SECISBP2L: variants seen among roughly 807,000 people sequenced by gnomAD.
SECISBP2L encodes the protein selenocysteine insertion sequence-binding protein 2-like.
A neutral mutation model predicts 114.7 loss-of-function variants in SECISBP2L; 43 were observed. That is an observed-to-expected ratio of 0.38 (90% CI 0.29 to 0.48). SECISBP2L has a LOEUF of 0.48. Among genes scored for constraint, SECISBP2L ranks in the 20% least tolerant of loss-of-function variants. The pLI, the probability that SECISBP2L is intolerant of heterozygous loss-of-function variation, is 0.98. For missense variants in SECISBP2L, 1,136 were observed against 1,301.1 expected, an observed-to-expected ratio of 0.87 and a Z score of 1.95; for synonymous variants, 451 against 439.7, an observed-to-expected ratio of 1.03 and a Z score of -0.32.
Position 48,988,726 on chromosome 15 carries a change from GAT to G in SECISBP2L, c.*3516_*3517del, listed in dbSNP as rs1901910075. 2 of 389,382 alleles carry G rather than the reference GAT, an allele frequency of 5.1e-6. No individual in the cohort carries two copies. Among genetic ancestry groups the G allele is most frequent in the African/African-American group, 2.1e-5 (1 of 47,924 alleles). The allele number at this position is 389,382 out of a possible 1,614,324, so 24.1% of individuals were successfully genotyped here. A position where few individuals can be genotyped will look rare whatever the true frequency, so the allele number is the denominator to read the frequency against. ...AAAGCTGTTATTACCCCCCAAATGT[GAT>G]ATAACAATTATCCTTCATACAGCAA... is the stretch of plus-strand genomic sequence containing the variant. On this transcript the variant is annotated 3_prime_UTR_variant, in exon 18 of 18. Transcript: ENST00000559471.
rs1159583578 is a variant in SECISBP2L, at chr15:49,001,110, A to C, written c.2028-13T>G. On this transcript the variant is annotated splice_polypyrimidine_tract_variant and intron_variant, in intron 14 of 17. Transcript: ENST00000559471. The stretch of plus-strand genomic sequence containing the variant: ...CTGATTACAATACCTGTAAAAAAAA[A>C]CCAAAATGGGTAACTCCATCCTAAT... 11 of 1,565,564 alleles carry C rather than the reference A, an allele frequency of 7.0e-6. No individual in the cohort carries two copies. In the East Asian group the frequency reaches 9.0e-5, roughly 13 times the overall value.
In SECISBP2L at chr15:48,988,914, T is replaced by A. The variant is rs1901913576; in HGVS notation, c.*3330A>T. The A allele has an allele frequency of 1.2e-5, 2 of 171,670 alleles. No homozygotes were observed. Among genetic ancestry groups the A allele is most frequent in the South Asian group, 2.8e-4 (2 of 7,126 alleles). 10.6% of individuals were successfully genotyped at this position (171,670 alleles called of 1,614,324 possible). On this transcript the variant is annotated 3_prime_UTR_variant, in exon 18 of 18. Transcript: ENST00000559471. ...CAAGGTGTGATGTGCCAACAAAATT[T>A]AAATTTTTCTCATTAGGATTCAGAT... is the stretch of plus-strand genomic sequence containing the variant.
chr15:49,019,853 A>AG (rs779034043), intron 7 of SECISBP2L, among the ~76,000 whole-genome samples: 5 of 152,272 alleles, frequency 3.3e-5, no homozygotes, highest in Non-Finnish European at 5.9e-5. Flanking sequence ...GTGAACAGTT[A>AG]AACTAACTGT....
chr15:49,027,616 T>C, intron 6 of SECISBP2L, 136 bp from the exon 7 acceptor site: 1 of 482,798 alleles, frequency 2.1e-6, no homozygotes, highest in South Asian at 4.3e-5. Context: ...TATTATTTTT[T>C]TTTTTTTTTG....
chr15:49,035,640 G>A lies in SECISBP2L; in HGVS notation c.222C>T (p.Asn74=), dbSNP rs767376544. 56 of 1,608,132 alleles carry A rather than the reference G, an allele frequency of 3.5e-5. No homozygotes were observed. The highest frequency in any genetic ancestry group is 4.8e-5 in the Non-Finnish European group (56 of 1,175,864). The change falls in exon 3 of 18, where the codon AAC becomes AAT. Residue 74 remains asparagine, a synonymous_variant. Coordinates refer to ENST00000559471, the MANE Select transcript of SECISBP2L (RefSeq NM_001193489.2). ...NQSNRQFPLY[N]NDIRWQQPNP... ...TGGGTTGTTGCCATCGTATATCATT[G>A]TTATATAAAGGAAACTGTCTGCAAA...
At chr15:49,010,154 C>CACACACACACACACACACACACACACACA (rs3220511) in intron 13 of SECISBP2L, among the ~76,000 whole-genome samples, 48 of 149,942 alleles carry the variant, frequency 3.2e-4, no homozygotes, top group African/African-American at 8.9e-4. Context: ...CACACACACA[C>CACACACACACACACACACACACACACACA]CCCTCTTGCC....
At chr15:48,996,257 G>A (rs1902082635) in intron 17 of SECISBP2L, 110 bp downstream of exon 17, 7 of 1,084,692 alleles carry the variant, frequency 6.5e-6, no homozygotes, top group Middle Eastern at 3.0e-4. Flanking sequence ...ACCAAATTTC[G>A]AGCAACATTT....
chr15:49,005,653 C>G (rs191546831), intron 14 of SECISBP2L, among the ~76,000 whole-genome samples: 4 of 142,180 alleles, frequency 2.8e-5, no homozygotes, highest in African/African-American at 1.0e-4. Context: ...TGTCTTTGCA[C>G]GTGAGATGGG....
chr15:49,017,504 C>T, intron 9 of SECISBP2L, 44 bp downstream of exon 9: 1 of 1,261,558 alleles, frequency 7.9e-7, no homozygotes, highest in Non-Finnish European at 1.1e-6. Flanking sequence ...AGCCATTGTT[C>T]AAAAGATGTT....
At chr15:49,030,410 G>A (rs770382917) in intron 4 of SECISBP2L, among the ~76,000 whole-genome samples, 20 of 152,254 alleles carry the variant, frequency 1.3e-4, no homozygotes, top group Non-Finnish European at 1.6e-4. Flanking sequence ...AGATGACTGC[G>A]TCCAAAGAAA....
Position 49,016,608 on chromosome 15 carries a change from C to T in SECISBP2L, c.1513G>A (p.Ala505Thr), listed in dbSNP as rs1902541919. 7 of 1,610,352 alleles carry T rather than the reference C, an allele frequency of 4.3e-6. No individual in the cohort carries two copies. The highest frequency in any genetic ancestry group is 1.1e-5 in the South Asian group (1 of 90,324). ...MLAALEKQQQ[A>T]MKARQITNTR... is the part of the protein sequence containing the mutation. ...TTAGTAATTTGCCGTGCTTTCATTG[C>T]TTGCTGTTGTTTTTCCAGAGCAGCT... Residue 505 changes from alanine (A) to threonine (T), a missense_variant, in exon 11 of 18, where the codon GCA becomes ACA. By Grantham distance (58) the Ala-to-Thr change is moderately conservative. Coordinates refer to ENST00000559471, the MANE Select transcript of SECISBP2L (RefSeq NM_001193489.2).
chr15:49,002,573 T>G (rs183419387), intron 14 of SECISBP2L, among the ~76,000 whole-genome samples: 6 of 152,326 alleles, frequency 3.9e-5, no homozygotes, highest in Non-Finnish European at 8.8e-5. Flanking sequence ...TCCAGGGTTT[T>G]TATGGTTTTA....
chr15:49,037,512 C>T, intron 2 of SECISBP2L, 79 bp downstream of exon 2: 1 of 1,304,874 alleles, frequency 7.7e-7, no homozygotes, highest in Non-Finnish European at 1.1e-6. Flanking sequence ...CTAAAAGTTG[C>T]AAAGGAAAAA....
At chr15:49,041,216 T>G (rs1302566484) in intron 1 of SECISBP2L, among the ~76,000 whole-genome samples, 1 of 152,232 alleles carries the variant, frequency 6.6e-6, no homozygotes, top group African/African-American at 2.4e-5. Context: ...AAAACTATCT[T>G]CATCTTTCAG....
At chr15:49,013,070 C>G (rs556729921) in intron 11 of SECISBP2L, 17 of 357,978 alleles carry the variant, frequency 4.7e-5, no homozygotes, top group African/African-American at 3.6e-4. Flanking sequence ...CTCTCCTGTA[C>G]AACCCTCAAA....
At chr15:48,996,241 T>C in intron 17 of SECISBP2L, 126 bp downstream of exon 17, 2 of 957,840 alleles carry the variant, frequency 2.1e-6, no homozygotes, top group South Asian at 3.5e-5. Flanking sequence ...TAATGCAATG[T>C]TTTAAACCAA....
At chr15:48,994,963 G>GT (rs1902058767) in intron 17 of SECISBP2L, among the ~76,000 whole-genome samples, 5 of 150,488 alleles carry the variant, frequency 3.3e-5, no homozygotes, top group Admixed American at 6.6e-5. Context: ...CATTTCAACA[G>GT]TTTTTTTTTC....
intron 7 of SECISBP2L, among the ~76,000 whole-genome samples, chr15:49,024,341 C>G (rs1351569990): frequency 1.3e-5 from 2 of 151,816 alleles, no homozygotes; most frequent in Admixed American, 6.6e-5. Context: ...ACTAAAAATA[C>G]AAAAATTACC....
chr15:49,010,154 C>CA (rs3220511), intron 13 of SECISBP2L, among the ~76,000 whole-genome samples: 4 of 150,084 alleles, frequency 2.7e-5, no homozygotes, highest in East Asian at 2.0e-4. Context: ...CACACACACA[C>CA]CCCTCTTGCC....
Sources: allele counts gnomAD v4.1 joint callset (sites outside exome capture counted in the v4.1 genomes callset), GRCh38; gene constraint gnomAD v4.1.1; transcripts MANE v1.5; gene names NCBI Gene and HGNC (gene_info 2026-07-23, HGNC 2026-07-21).